MGAT5: variants seen among roughly 807,000 people sequenced by gnomAD.
MGAT5 encodes alpha-1,6-mannosylglycoprotein 6-beta-N-acetylglucosaminyltransferase A.
MGAT5 carries 30 observed loss-of-function variants against 94.3 expected under a neutral mutation model. That is an observed-to-expected ratio of 0.32 (90% CI 0.24 to 0.43). MGAT5 has a LOEUF of 0.43. Among genes scored for constraint, MGAT5 ranks in the 20% least tolerant of loss-of-function variants. The probability of loss-of-function intolerance (pLI) is 1.00; values close to 1 mark genes in which losing one functional copy is unlikely to be tolerated. For synonymous variants in MGAT5, 310 were observed against 322.9 expected (o/e 0.96, Z 0.43); for missense variants, 691 against 905.5 (o/e 0.76, Z 3.04).
At position 134,451,841 on chromosome 2, in the gene MGAT5, C is replaced by T. The variant is rs1312043411; in HGVS notation, c.*2994C>T. ...GACTTCTTTGAATGCTGGTAAACACCGCATTTATTTTGTGTATGCAGTTTG... is the reference window on the plus strand; with the variant it reads ...GACTTCTTTGAATGCTGGTAAACACTGCATTTATTTTGTGTATGCAGTTTG... On this transcript the variant is annotated 3_prime_UTR_variant, in exon 16 of 16. Coordinates refer to ENST00000281923, the MANE Select transcript of MGAT5 (RefSeq NM_002410.5). 2 of 152,086 alleles carry T rather than the reference C, an allele frequency of 1.3e-5. No individual in the cohort carries two copies. Among genetic ancestry groups the T allele is most frequent in the East Asian group, 1.9e-4 (1 of 5,194 alleles). The allele number at this position is 152,086 out of a possible 1,614,324, so 9.4% of individuals were successfully genotyped here.
intron 2 of MGAT5, among the ~76,000 whole-genome samples, chr2:134,298,800 G>A (rs557498725): frequency 6.6e-6 from 1 of 152,212 alleles, no homozygotes; most frequent in South Asian, 2.1e-4. Flanking sequence ...TGTTTATGTA[G>A]GCAGGAACCA....
chr2:134,321,023 G>C (rs997714540), intron 4 of MGAT5, among the ~76,000 whole-genome samples: 13 of 152,132 alleles, frequency 8.5e-5, no homozygotes, highest in African/African-American at 3.1e-4. Flanking sequence ...TGAGAGTTGG[G>C]TGTGTGAGGC....
chr2:134,358,112 A>G (rs1679863695), intron 9 of MGAT5, among the ~76,000 whole-genome samples: 1 of 152,216 alleles, frequency 6.6e-6, no homozygotes, highest in East Asian at 1.9e-4. Flanking sequence ...CTAGAAACCC[A>G]CAAATCTAGA....
intron 1 of MGAT5, among the ~76,000 whole-genome samples, chr2:134,184,600 C>T (rs946339433): frequency 6.6e-6 from 1 of 152,104 alleles, no homozygotes; most frequent in Non-Finnish European, 1.5e-5. Context: ...CATGCACTGC[C>T]GCATTTGCAC....
intron 2 of MGAT5, among the ~76,000 whole-genome samples, chr2:134,282,173 G>A (rs967968559): frequency 1.3e-5 from 2 of 152,230 alleles, no homozygotes; most frequent in East Asian, 3.9e-4. Context: ...ATGCAATGAG[G>A]ATTAAGAAGG....
chr2:134,246,195 G>A (rs575299591), intron 1 of MGAT5, among the ~76,000 whole-genome samples: 2 of 143,784 alleles, frequency 1.4e-5, no homozygotes, highest in Non-Finnish European at 3.0e-5. Context: ...AAAGGACCCA[G>A]GTCCTGAAAG....
intron 12 of MGAT5, among the ~76,000 whole-genome samples, chr2:134,416,791 A>G (rs933786368): frequency 5.4e-5 from 8 of 148,984 alleles, no homozygotes; most frequent in Non-Finnish European, 1.0e-4. Flanking sequence ...TTTTGCAGAA[A>G]CAAAGGTCTT....
At chr2:134,360,063 G>A (rs1679986746) in intron 9 of MGAT5, among the ~76,000 whole-genome samples, 1 of 152,192 alleles carries the variant, frequency 6.6e-6, no homozygotes, top group African/African-American at 2.4e-5. Context: ...TGGTGATACT[G>A]TTTGTAAATC....
rs1439032915 is a variant in MGAT5 at position 134,380,618 on chromosome 2, GTA to G, written c.1380+18213_1380+18214del. ...ACTGTGAAGCTCTCATGAGAGAAGA[GTA>G]TAAATACTGATACCATGTTGGAATG... On this transcript the variant is annotated intron_variant, in intron 10 of 15. Transcript: ENST00000281923. 1.1e-4 allele frequency among the ~76,000 whole-genome samples: 16 copies of G among 152,306 alleles called. No individual in the cohort carries two copies. In the South Asian group the frequency reaches 2.9e-3, roughly 28 times the overall value.
chr2:134,412,025 A>G (rs1266595397), intron 11 of MGAT5, among the ~76,000 whole-genome samples: 1 of 152,128 alleles, frequency 6.6e-6, no homozygotes, highest in Non-Finnish European at 1.5e-5. Context: ...TGTGAAGTAC[A>G]CCCACTGTGA....
At chr2:134,373,947 GAC>G (rs1443979894) in intron 10 of MGAT5, among the ~76,000 whole-genome samples, 4 of 152,204 alleles carry the variant, frequency 2.6e-5, no homozygotes, top group Non-Finnish European at 5.9e-5. Flanking sequence ...TAGAGGTTCA[GAC>G]ACACCAAAAA....
At chr2:134,384,636 G>A (rs112373150) in intron 10 of MGAT5, among the ~76,000 whole-genome samples, 1,835 of 152,152 alleles carry the variant, frequency 0.012, 36 homozygotes, top group African/African-American at 0.042. Flanking sequence ...CTTACCTTTC[G>A]GAAGTTTGGT....
chr2:134,340,938 A>C (rs1573859724), intron 6 of MGAT5, among the ~76,000 whole-genome samples: 1 of 152,302 alleles, frequency 6.6e-6, no homozygotes, highest in African/African-American at 2.4e-5. Context: ...AGAAGTATGA[A>C]TATTAACTGG....
At chr2:134,317,333 T>C (rs570759788) in intron 2 of MGAT5, among the ~76,000 whole-genome samples, 196 bp from the exon 3 acceptor site, 1 of 152,284 alleles carries the variant, frequency 6.6e-6, no homozygotes, top group South Asian at 2.1e-4. Context: ...AGCCTGTAGT[T>C]GGGCTGTCCT....
intron 1 of MGAT5, among the ~76,000 whole-genome samples, chr2:134,189,609 T>TTG (rs1558978195): frequency 2.2e-5 from 3 of 134,066 alleles, no homozygotes; most frequent in African/African-American, 8.7e-5. Flanking sequence ...TTTGTTTTTT[T>TTG]TTTTTTTTTT....
chr2:134,419,352 T>G (rs1684152387), intron 12 of MGAT5, among the ~76,000 whole-genome samples: 1 of 152,054 alleles, frequency 6.6e-6, no homozygotes, highest in Admixed American at 6.6e-5. Context: ...TAAACTGGAT[T>G]TTTATCTTTA....
intron 10 of MGAT5, among the ~76,000 whole-genome samples, chr2:134,378,438 G>A (rs1573961406): frequency 6.6e-6 from 1 of 152,114 alleles, no homozygotes; most frequent in Non-Finnish European, 1.5e-5. Flanking sequence ...TATCAAACCC[G>A]AGAGGCAGAA....
At chr2:134,418,610 A>G (rs920467787) in intron 12 of MGAT5, among the ~76,000 whole-genome samples, 3 of 152,226 alleles carry the variant, frequency 2.0e-5, no homozygotes, top group African/African-American at 7.2e-5. Flanking sequence ...ACAAATGCAT[A>G]ATCAGTGGAA....
At chr2:134,213,421 G>A (rs549367506) in intron 1 of MGAT5, among the ~76,000 whole-genome samples, 15 of 144,776 alleles carry the variant, frequency 1.0e-4, no homozygotes, top group African/African-American at 3.5e-4. Flanking sequence ...GACACCAAAT[G>A]TGGGTGTTTT....
Sources: allele counts gnomAD v4.1 joint callset (sites outside exome capture counted in the v4.1 genomes callset), GRCh38; gene constraint gnomAD v4.1.1; transcripts MANE v1.5; gene names NCBI Gene and HGNC (gene_info 2026-07-23, HGNC 2026-07-21).